The following KAZN variants were observed in gnomAD, a reference collection of about 807,000 sequenced individuals.
KAZN encodes kazrin.
A neutral mutation model predicts 87.4 loss-of-function variants in KAZN; 40 were observed. That is an observed-to-expected ratio of 0.46 (90% CI 0.36 to 0.60). The LOEUF (loss-of-function observed/expected upper bound fraction) is 0.60. Ranked by LOEUF, KAZN falls within the 20% of genes least tolerant of loss-of-function variation. The pLI is 0.00. For missense variants in KAZN, 898 were observed against 1,073.9 expected, an observed-to-expected ratio of 0.84 and a Z score of 2.29; for synonymous variants, 466 against 458.3, an observed-to-expected ratio of 1.02 and a Z score of -0.22.
rs543497216 is a variant in KAZN at position 14,476,041 on chromosome 1, C to T, written c.250-122942C>T. Among the ~76,000 whole-genome samples the T allele has an allele frequency of 4.6e-5, 7 of 152,304 alleles. 1 individual carries two copies. The highest frequency in any genetic ancestry group is 1.7e-4 in the African/African-American group (7 of 41,568). On this transcript the variant is annotated intron_variant, in intron 2 of 16. Transcript: ENST00000636203. ...TCTCTCGCCTTTGGTCCCTCAGCAGCCCAACAGGCAGGTAATAGTACTCTG... is the reference window on the plus strand; with the variant it reads ...TCTCTCGCCTTTGGTCCCTCAGCAGTCCAACAGGCAGGTAATAGTACTCTG...
At chr1:13,903,908 C>T (rs1639340156) in intron 1 of KAZN, among the ~76,000 whole-genome samples, 1 of 152,130 alleles carries the variant, frequency 6.6e-6, no homozygotes, top group Non-Finnish European at 1.5e-5. Context: ...TGGTGGGTCC[C>T]TCTGAGTCCC....
chr1:14,959,849 A>ACACGGCT (rs1663630832), intron 1 of KAZN, among the ~76,000 whole-genome samples: 2 of 152,112 alleles, frequency 1.3e-5, no homozygotes, highest in Non-Finnish European at 2.9e-5. Context: ...ACCTTGGTTG[A>ACACGGCT]CACGGCTCTC....
Position 15,034,743 on chromosome 1 carries a change from C to T in KAZN, c.419-6C>T. ...CTTGGGAACTAACTCTCTCCTTTAT[C>T]CCCAGCCATGAAAGCTGATCGGAAG... On this transcript the variant is annotated splice_polypyrimidine_tract_variant and splice_region_variant and intron_variant, in intron 2 of 14. Coordinates refer to ENST00000376030, the MANE Select transcript of KAZN (RefSeq NM_201628.3). The T allele has an allele frequency of 6.2e-7, 1 of 1,614,160 alleles. No individual in the cohort carries two copies. Among genetic ancestry groups the T allele is most frequent in the Non-Finnish European group, 8.5e-7 (1 of 1,179,982 alleles).
chr1:14,478,871 GGTA>G (rs1668919131), intron 2 of KAZN, among the ~76,000 whole-genome samples: 1 of 152,182 alleles, frequency 6.6e-6, no homozygotes, highest in African/African-American at 2.4e-5. Flanking sequence ...CTTGGATACA[GGTA>G]GTTTATTGGG....
At chr1:14,329,368 G>T (rs1319113404) in intron 2 of KAZN, among the ~76,000 whole-genome samples, 1 of 152,160 alleles carries the variant, frequency 6.6e-6, no homozygotes, top group Non-Finnish European at 1.5e-5. Flanking sequence ...AGAGAGTGTG[G>T]GCAGAGATAG....
chr1:14,309,730 T>C (rs1289947452), intron 2 of KAZN, among the ~76,000 whole-genome samples: 1 of 152,098 alleles, frequency 6.6e-6, no homozygotes, highest in Non-Finnish European at 1.5e-5. Flanking sequence ...TCATGCCCAG[T>C]TAACTTTCTT....
At chr1:14,710,641 C>T (rs1642435841) in intron 1 of KAZN, among the ~76,000 whole-genome samples, 1 of 152,188 alleles carries the variant, frequency 6.6e-6, no homozygotes, top group East Asian at 1.9e-4. Flanking sequence ...ATGGATTGAT[C>T]CTCACTTCCT....
chr1:14,273,894 G>A (rs941460989), intron 2 of KAZN, among the ~76,000 whole-genome samples: 4 of 151,928 alleles, frequency 2.6e-5, no homozygotes, highest in Admixed American at 1.3e-4. Context: ...AAGTAAAAGC[G>A]CTTGGGTGAA....
At chr1:14,956,270 G>A (rs533242592) in intron 1 of KAZN, among the ~76,000 whole-genome samples, 1 of 146,754 alleles carries the variant, frequency 6.8e-6, no homozygotes, top group African/African-American at 2.7e-5. Context: ...TGGCTTCCTT[G>A]GGTGGTTGGA....
At chr1:14,504,628 G>A (rs10927448) in intron 2 of KAZN, among the ~76,000 whole-genome samples, 76,482 of 152,034 alleles carry the variant, frequency 0.5, 19,669 homozygotes, top group South Asian at 0.64. Flanking sequence ...AGCTAATCAG[G>A]GGCAATGGGC....
intron 2 of KAZN, among the ~76,000 whole-genome samples, chr1:14,264,659 A>C (rs755399205): frequency 6.6e-6 from 1 of 152,204 alleles, no homozygotes; most frequent in African/African-American, 2.4e-5. Context: ...TGGACTTCTC[A>C]GCCTTCAGCA....
At chr1:14,918,943 A>G (rs1572828085) in intron 1 of KAZN, among the ~76,000 whole-genome samples, 1 of 151,744 alleles carries the variant, frequency 6.6e-6, no homozygotes, top group Non-Finnish European at 1.5e-5. Context: ...GAGATAATCA[A>G]TCCCTATTGT....
At chr1:14,977,087 A>T (rs563556593) in intron 2 of KAZN, among the ~76,000 whole-genome samples, 1 of 152,096 alleles carries the variant, frequency 6.6e-6, no homozygotes, top group East Asian at 1.9e-4. Context: ...CAAACAAAAA[A>T]CTGGGCTCTG....
At chr1:14,461,324 T>C (rs757479369) in intron 2 of KAZN, among the ~76,000 whole-genome samples, 4 of 152,116 alleles carry the variant, frequency 2.6e-5, no homozygotes, top group Admixed American at 1.3e-4. Context: ...GATGATTGAA[T>C]CATGGGGGGC....
rs140796434 is a variant in KAZN, at chr1:14,028,562, C to T, written c.91+134806C>T. Among the ~76,000 whole-genome samples, 19 of 152,290 alleles carry T rather than the reference C, an allele frequency of 1.2e-4. No individual in the cohort carries two copies. In the East Asian group the frequency reaches 1.3e-3, roughly 11 times the overall value. On this transcript the variant is annotated intron_variant, in intron 1 of 16. Transcript: ENST00000636203. ...GCCCAGCTGGGTTAGAGCTGAGACACGACCAGCTCCTATCTTTATCTTTTT... is the reference window on the plus strand; with the variant it reads ...GCCCAGCTGGGTTAGAGCTGAGACATGACCAGCTCCTATCTTTATCTTTTT...
intron 1 of KAZN, among the ~76,000 whole-genome samples, chr1:14,733,909 C>CA (rs1332071632): frequency 6.6e-6 from 1 of 152,190 alleles, no homozygotes; most frequent in African/African-American, 2.4e-5. Flanking sequence ...GCCCACGCCC[C>CA]AGCCAGTCCA....
chr1:14,459,941 C>T (rs531596509), intron 2 of KAZN, among the ~76,000 whole-genome samples: 9 of 152,188 alleles, frequency 5.9e-5, no homozygotes, highest in South Asian at 2.1e-4. Flanking sequence ...GAAACCAAAG[C>T]CCCCTGAGTA....
At chr1:14,428,217 G>C (rs917167840) in intron 2 of KAZN, among the ~76,000 whole-genome samples, 1 of 152,158 alleles carries the variant, frequency 6.6e-6, no homozygotes, top group Admixed American at 6.5e-5. Context: ...GACTCTTTCA[G>C]GTGCTAGCTC....
chr1:14,583,801 A>AT (rs1263955002), intron 2 of KAZN, among the ~76,000 whole-genome samples: 1 of 152,110 alleles, frequency 6.6e-6, no homozygotes, highest in Non-Finnish European at 1.5e-5. Flanking sequence ...TTTATTCCTC[A>AT]TCACCATCTT....
Sources: allele counts gnomAD v4.1 joint callset (sites outside exome capture counted in the v4.1 genomes callset), GRCh38; gene constraint gnomAD v4.1.1; transcripts MANE v1.5; gene names NCBI Gene and HGNC (gene_info 2026-07-23, HGNC 2026-07-21).